Variants in DAB1 observed in about 807,000 individuals in gnomAD.
The protein encoded by DAB1 is disabled homolog 1.
DAB1 carries 15 observed loss-of-function variants against 64.6 expected under a neutral mutation model. That is an observed-to-expected ratio of 0.23 (90% CI 0.16 to 0.36). DAB1 has a LOEUF of 0.36. DAB1 is among the 10% of genes least tolerant of loss of function. The pLI, the probability that DAB1 is intolerant of heterozygous loss-of-function variation, is 1.00. For missense variants in DAB1, 596 were observed against 706.7 expected, an observed-to-expected ratio of 0.84 and a Z score of 1.78; for synonymous variants, 235 against 251.9, an observed-to-expected ratio of 0.93 and a Z score of 0.64.
chr1:58,276,386 TAA>T (rs1464994389), intron 4 of DAB1, among the ~76,000 whole-genome samples: 1 of 152,226 alleles, frequency 6.6e-6, no homozygotes, highest in Non-Finnish European at 1.5e-5. Flanking sequence ...TCTCTGTTCC[TAA>T]AAGAGTGCTT....
intron 7 of DAB1, among the ~76,000 whole-genome samples, chr1:57,557,519 A>G (rs1210784777): frequency 1.3e-5 from 2 of 152,126 alleles, no homozygotes; most frequent in East Asian, 3.9e-4. Context: ...ACCCTGACTA[A>G]TACAAACTTT....
chr1:57,872,998 A>AGCCCCC (rs2101959450), intron 1 of DAB1, among the ~76,000 whole-genome samples: 1 of 152,234 alleles, frequency 6.6e-6, no homozygotes, highest in South Asian at 2.1e-4. Flanking sequence ...GCAAGAACTG[A>AGCCCCC]GCCCCCTGTT....
chr1:57,262,186 G>A lies in DAB1; in HGVS notation c.67+28778C>T, dbSNP rs149514557. 8.8e-4 allele frequency among the ~76,000 whole-genome samples: 134 copies of A among 152,294 alleles called. 1 individual carries two copies. The South Asian group carries it at 0.017, about 20-fold the overall frequency. ...TCTATTAATACCACGAACCACTCTC[G>A]TCATTTCGCATTGTTATTCCCATTG... On this transcript the variant is annotated intron_variant, in intron 2 of 14. Coordinates refer to ENST00000371236, the MANE Select transcript of DAB1 (RefSeq NM_001365792.1).
chr1:58,146,384 T>C (rs921067296), intron 5 of DAB1, among the ~76,000 whole-genome samples: 4 of 152,224 alleles, frequency 2.6e-5, no homozygotes, highest in South Asian at 2.1e-4. Context: ...AATCTACTCA[T>C]AGTAAATTTC....
chr1:58,491,499 T>C (rs959098025), intron 3 of DAB1, among the ~76,000 whole-genome samples: 5 of 152,146 alleles, frequency 3.3e-5, no homozygotes, highest in African/African-American at 9.7e-5. Context: ...GACCCATCAG[T>C]GTGCTGTATT....
intron 7 of DAB1, among the ~76,000 whole-genome samples, chr1:57,540,799 C>A (rs776957072): frequency 5.3e-5 from 8 of 152,060 alleles, no homozygotes; most frequent in Non-Finnish European, 1.2e-4. Flanking sequence ...GTGATAGTTA[C>A]CAGAGGCCAG....
At chr1:57,586,536 T>A (rs771594491) in intron 7 of DAB1, among the ~76,000 whole-genome samples, 6 of 151,986 alleles carry the variant, frequency 3.9e-5, no homozygotes, top group Non-Finnish European at 7.4e-5. Flanking sequence ...TGGCGAACCA[T>A]GCTGGCACCT....
rs57452511 is a variant in DAB1, at chr1:57,028,885, T to C, written c.724-2842A>G. ...TCAGTTTTCTAAGGGAAGCAGAGCA[T>C]AAAAGTTTGAAAAATTTGCAGCCTG... is the stretch of plus-strand genomic sequence containing the variant. On this transcript the variant is annotated intron_variant, in intron 9 of 14. Transcript: ENST00000371236. Among the ~76,000 whole-genome samples the C allele has an allele frequency of 4.8e-3, 733 of 152,148 alleles. 7 individuals are homozygous for C. The highest frequency in any genetic ancestry group is 0.017 in the African/African-American group (700 of 41,508).
At position 58,454,191 on chromosome 1, in the gene DAB1, T is replaced by C. The variant is rs142323387; in HGVS notation, n.257+51869A>G. Among the ~76,000 whole-genome samples, 8 of 152,292 alleles carry C rather than the reference T, an allele frequency of 5.3e-5. No individual in the cohort carries two copies. In the South Asian group the frequency reaches 1.2e-3, roughly 24 times the overall value. ...GAACGGGATCAAATGGCCTATGAGCTGCTCCATCGAGGGGCTGTGGCAAGA... is the reference window on the plus strand; with the variant it reads ...GAACGGGATCAAATGGCCTATGAGCCGCTCCATCGAGGGGCTGTGGCAAGA... On this transcript the variant is annotated intron_variant and non_coding_transcript_variant, in intron 3 of 20. Coordinates refer to the DAB1 transcript ENST00000485760.
chr1:57,002,147 A>C (rs938080634), intron 14 of DAB1, among the ~76,000 whole-genome samples: 2 of 152,250 alleles, frequency 1.3e-5, no homozygotes, highest in Non-Finnish European at 2.9e-5. Context: ...GAGTAGATGG[A>C]AACCATATGG....
chr1:57,146,027 T>C (rs1320602046), intron 2 of DAB1, among the ~76,000 whole-genome samples: 1 of 152,238 alleles, frequency 6.6e-6, no homozygotes, highest in Admixed American at 6.5e-5. Context: ...TGTGCTGTTG[T>C]GTGTCTGCAC....
At chr1:57,382,016 T>C (rs1681420648) in intron 1 of DAB1, among the ~76,000 whole-genome samples, 1 of 152,174 alleles carries the variant, frequency 6.6e-6, no homozygotes, top group Non-Finnish European at 1.5e-5. Context: ...TTTGTTTGTA[T>C]ATAAGCATAA....
chr1:57,424,224 C>T (rs144659354), upstream of DAB1, among the ~76,000 whole-genome samples: 20,859 of 150,536 alleles, frequency 0.14, 1,843 homozygotes, highest in African/African-American at 0.25. Context: ...GCCGCCGGGC[C>T]GTGAGCCCCT....
At chr1:57,867,511 T>G (rs1483206825) in intron 1 of DAB1, 1 of 152,142 alleles carries the variant, frequency 6.6e-6, no homozygotes, top group Non-Finnish European at 1.5e-5. Context: ...GTAACTAAAC[T>G]GCAACAGCAG....
chr1:58,527,170 C>G (rs1488915347), intron 2 of DAB1: 6 of 776,848 alleles, frequency 7.7e-6, no homozygotes, highest in Non-Finnish European at 1.4e-5. Context: ...AACTCTCATT[C>G]TCTGCTTATG....
At chr1:57,405,708 T>C (rs1265318626) in intron 1 of DAB1, among the ~76,000 whole-genome samples, 3 of 152,160 alleles carry the variant, frequency 2.0e-5, no homozygotes, top group African/African-American at 7.2e-5. Flanking sequence ...ACCCACACTG[T>C]TTCACCCACA....
In DAB1 at chr1:57,072,837, T is replaced by C. The variant is rs147717458; in HGVS notation, c.307-423A>G. ...TACACTACACAACTCCAGGGAGTAT[T>C]ATTAACATTCATAGAACTATACATG... On this transcript the variant is annotated intron_variant, in intron 4 of 14. Coordinates refer to ENST00000371236, the MANE Select transcript of DAB1 (RefSeq NM_001365792.1). Among the ~76,000 whole-genome samples the C allele has an allele frequency of 6.0e-4, 92 of 152,338 alleles. 1 individual carries two copies. The Middle Eastern group carries it at 0.01, about 17-fold the overall frequency.
chr1:58,293,630 TG>T (rs1190003147), intron 4 of DAB1, among the ~76,000 whole-genome samples: 9 of 152,274 alleles, frequency 5.9e-5, no homozygotes, highest in African/African-American at 1.9e-4. Context: ...AGCTACCAGC[TG>T]TACAGGCCAG....
chr1:57,633,786 C>T (rs1453928743), intron 7 of DAB1, among the ~76,000 whole-genome samples: 5 of 151,990 alleles, frequency 3.3e-5, no homozygotes, highest in South Asian at 2.1e-4. Flanking sequence ...GGGAGAGAGC[C>T]GGAGTGAAAC....
Sources: gnomAD v4.1 joint callset for allele counts (sites outside exome capture counted in the v4.1 genomes callset) on GRCh38, gnomAD v4.1.1 for gene constraint, MANE v1.5 for transcripts, NCBI Gene and HGNC (gene_info 2026-07-23, HGNC 2026-07-21) for gene names.